The following FASTKD1 variants were observed in gnomAD, a reference collection of about 807,000 sequenced individuals.
FASTKD1 encodes the protein FAST kinase domains 1.
A neutral mutation model predicts 90.9 loss-of-function variants in FASTKD1; 94 were observed. The ratio of observed to expected loss-of-function variants is 1.03; its 90% CI spans 0.88 to 1.23. FASTKD1 has a LOEUF of 1.23. FASTKD1 is among the 50% of genes most tolerant of loss of function. The pLI is 0.00. For synonymous variants in FASTKD1, 319 were observed against 345.8 expected, an observed-to-expected ratio of 0.92 and a Z score of 0.86; for missense variants, 945 against 993.5, an observed-to-expected ratio of 0.95 and a Z score of 0.66.
chr2:169,539,271 CA>C (rs558999338), intron 10 of FASTKD1, among the ~76,000 whole-genome samples: 62 of 133,470 alleles, frequency 4.6e-4, no homozygotes, highest in East Asian at 4.3e-4. Flanking sequence ...GACTCCATCT[CA>C]AAAAAAAAAA....
chr2:169,548,179 G>GT (rs1307951398), intron 7 of FASTKD1, among the ~76,000 whole-genome samples: 3 of 151,968 alleles, frequency 2.0e-5, no homozygotes, highest in African/African-American at 7.2e-5. Flanking sequence ...TCAGAACAAT[G>GT]TTTCCAGTGC....
chr2:169,552,867 C>T (rs886268531), intron 7 of FASTKD1, among the ~76,000 whole-genome samples: 3 of 151,952 alleles, frequency 2.0e-5, no homozygotes, highest in African/African-American at 7.2e-5. Context: ...ATCCATGTAA[C>T]AAAAAACCAC....
intron 3 of FASTKD1, among the ~76,000 whole-genome samples, chr2:169,567,114 C>CAA (rs574756229): frequency 7.3e-5 from 9 of 123,230 alleles, no homozygotes; most frequent in African/African-American, 1.2e-4. Flanking sequence ...GACTCTGTCT[C>CAA]AAAAAAAAAA....
At chr2:169,556,767 C>G (rs1006957681) in intron 6 of FASTKD1, among the ~76,000 whole-genome samples, 2 of 152,124 alleles carry the variant, frequency 1.3e-5, no homozygotes, top group African/African-American at 4.8e-5. Flanking sequence ...GCAGAGGTTG[C>G]AGTGAGCCGA....
chr2:169,558,262 G>A (rs1288265912), intron 5 of FASTKD1, among the ~76,000 whole-genome samples: 3 of 152,058 alleles, frequency 2.0e-5, no homozygotes, highest in African/African-American at 7.2e-5. Flanking sequence ...TCGTGTGTGT[G>A]TTTCTTCGTC....
At chr2:169,563,132 G>T in intron 4 of FASTKD1, 93 bp downstream of exon 4, 1 of 1,252,366 alleles carries the variant, frequency 8.0e-7, no homozygotes, top group Non-Finnish European at 1.1e-6. Context: ...GTAACCTTAA[G>T]TCACATAAAC....
At chr2:169,562,284 G>A (rs1002707306) in intron 4 of FASTKD1, among the ~76,000 whole-genome samples, 5 of 151,396 alleles carry the variant, frequency 3.3e-5, no homozygotes, top group Non-Finnish European at 7.4e-5. Flanking sequence ...CCAGGCTGGA[G>A]TGCAGTGGCA....
intron 12 of FASTKD1, 140 bp downstream of exon 12, chr2:169,537,087 T>A (rs1684753007): frequency 1.8e-6 from 1 of 566,246 alleles, no homozygotes; most frequent in Non-Finnish European, 3.1e-6. Context: ...TTGCTCTTTC[T>A]ATCTCCGTTT....
rs11896670 is a variant in FASTKD1, at chr2:169,563,939, A to T, written c.447-589T>A. Among the ~76,000 whole-genome samples the T allele has an allele frequency of 1.3e-3, 196 of 152,310 alleles. 1 individual carries two copies. Among genetic ancestry groups the T allele is most frequent in the African/African-American group, 4.5e-3 (189 of 41,580 alleles). ...TAAAACATACTGAGCAAACTAAACTATAAGGGTACATACTATAGGATTCCA... is the reference window on the plus strand; with the variant it reads ...TAAAACATACTGAGCAAACTAAACTTTAAGGGTACATACTATAGGATTCCA... On this transcript the variant is annotated intron_variant, in intron 3 of 14. Transcript: ENST00000453153.
Position 169,560,723 on chromosome 2 carries a change from AGTT to A in FASTKD1, c.632_634del (p.Gln211del), listed in dbSNP as rs750260920. ...AAAAAGAAGTTCTGTTTTGTTCACC[AGTT>A]GTTGTTGAAAATGTCGTGATATTAA... On this transcript the variant is annotated inframe_deletion, in exon 5 of 15. Coordinates refer to ENST00000453153, the MANE Select transcript of FASTKD1 (RefSeq NM_024622.6). 2.5e-6 allele frequency: 4 copies of A among 1,602,276 alleles called. No individual in the cohort carries two copies. Among genetic ancestry groups the A allele is most frequent in the East Asian group, 4.5e-5 (2 of 44,584 alleles).
intron 10 of FASTKD1, among the ~76,000 whole-genome samples, chr2:169,538,736 T>C (rs1304172139): frequency 1.3e-5 from 2 of 151,276 alleles, no homozygotes; most frequent in African/African-American, 4.9e-5. Flanking sequence ...ATTCCACACT[T>C]AGGATTTTAT....
At chr2:169,572,679 A>C (rs1684285961) in intron 1 of FASTKD1, among the ~76,000 whole-genome samples, 1 of 152,100 alleles carries the variant, frequency 6.6e-6, no homozygotes, top group Non-Finnish European at 1.5e-5. Context: ...AAATAAATAA[A>C]AGAAGTCATA....
chr2:169,559,976 G>A (rs1363891865), intron 5 of FASTKD1, among the ~76,000 whole-genome samples: 2 of 152,148 alleles, frequency 1.3e-5, no homozygotes, highest in East Asian at 3.8e-4. Context: ...CATAATAAAT[G>A]CTTTGATGAT....
Position 169,529,880 on chromosome 2 carries a change from GCATCC to G in FASTKD1, c.2484_2488del (p.Lys828AsnfsTer23). ...ACATTCTCTCAGGTAGTCCATCCGA[GCATCC>G]TTTGTTGACAGTGCCATAGAGTTCC... On this transcript the variant is annotated frameshift_variant, in exon 15 of 15. Transcript: ENST00000453153. LOFTEE classifies it high-confidence loss of function. 1.2e-6 allele frequency: 2 copies of G among 1,613,664 alleles called. No individual in the cohort carries two copies. The highest frequency in any genetic ancestry group is 1.7e-6 in the Non-Finnish European group (2 of 1,179,730).
chr2:169,533,228 T>C (rs1468075490), intron 12 of FASTKD1, among the ~76,000 whole-genome samples: 1 of 152,228 alleles, frequency 6.6e-6, no homozygotes, highest in Non-Finnish European at 1.5e-5. Context: ...GGTTATAGGA[T>C]GATAAAGATG....
chr2:169,565,598 A>G (rs1302649621), intron 3 of FASTKD1, among the ~76,000 whole-genome samples: 1 of 152,154 alleles, frequency 6.6e-6, no homozygotes, highest in Non-Finnish European at 1.5e-5. Context: ...GTTGATGGAC[A>G]CTTATGTTGC....
chr2:169,545,148 G>A (rs1685132240), intron 8 of FASTKD1, among the ~76,000 whole-genome samples: 1 of 152,180 alleles, frequency 6.6e-6, no homozygotes, highest in African/African-American at 2.4e-5. Context: ...ACTTTGGATG[G>A]CTGAGGTGGG....
intron 3 of FASTKD1, among the ~76,000 whole-genome samples, chr2:169,564,901 AT>A (rs969137401): frequency 6.9e-6 from 1 of 145,612 alleles, no homozygotes; most frequent in Non-Finnish European, 1.5e-5. Context: ...ACAGGATATC[AT>A]TTTTTTTACG....
In FASTKD1 at chr2:169,528,944, G is replaced by A. The variant is rs1684366858; in HGVS notation, c.*881C>T. 6.6e-6 allele frequency among the ~76,000 whole-genome samples: 1 copy of A among 151,566 alleles called. No homozygotes were observed. Among genetic ancestry groups the A allele is most frequent in the African/African-American group, 2.4e-5 (1 of 41,192 alleles). On this transcript the variant is annotated 3_prime_UTR_variant, in exon 15 of 15. Coordinates refer to ENST00000453153, the MANE Select transcript of FASTKD1 (RefSeq NM_024622.6). Reference sequence around the variant, plus strand: ...CTTCCTCTTAATCTTTTAATGTTGGGGCACTTGAAAACTCAGTCCTCAGAC... The same window carrying A: ...CTTCCTCTTAATCTTTTAATGTTGGAGCACTTGAAAACTCAGTCCTCAGAC...
Sources: allele counts gnomAD v4.1 joint callset (sites outside exome capture counted in the v4.1 genomes callset), GRCh38; gene constraint gnomAD v4.1.1; transcripts MANE v1.5; gene names NCBI Gene and HGNC (gene_info 2026-07-23, HGNC 2026-07-21).